The following LDLRAD4 variants were observed in gnomAD, a reference collection of about 807,000 sequenced individuals.
LDLRAD4 encodes low-density lipoprotein receptor class A domain-containing protein 4.
A neutral mutation model predicts 17.0 loss-of-function variants in LDLRAD4; 5 were observed. The observed-to-expected ratio is 0.29, with a 90% confidence interval of 0.15 to 0.62. LDLRAD4 has a LOEUF of 0.62. LDLRAD4 is among the 20% of genes least tolerant of loss of function. LDLRAD4 has a pLI of 0.84. For synonymous variants in LDLRAD4, 168 were observed against 171.8 expected (o/e 0.98, Z 0.17); for missense variants, 340 against 424.7 (o/e 0.80, Z 1.75).
chr18:13,642,198 G>A (rs2050724262), intron 4 of LDLRAD4: 6 of 985,794 alleles, frequency 6.1e-6, no homozygotes, highest in Non-Finnish European at 7.2e-6. Context: ...ACAAACGCGG[G>A]GCTCGGTGTT....
chr18:13,471,062 C>T (rs765348576), intron 3 of LDLRAD4: 2 of 152,180 alleles, frequency 1.3e-5, no homozygotes, highest in Non-Finnish European at 2.9e-5. Flanking sequence ...GATCTCTTTG[C>T]AAAGTGCTGG....
At chr18:13,613,496 C>A (rs1036699601) in intron 3 of LDLRAD4, 2 of 152,156 alleles carry the variant, frequency 1.3e-5, no homozygotes, top group African/African-American at 4.8e-5. Context: ...TATAGCATGG[C>A]AGAGGGATAG....
At chr18:13,474,247 T>A (rs2092875990) in intron 3 of LDLRAD4, among the ~76,000 whole-genome samples, 1 of 152,146 alleles carries the variant, frequency 6.6e-6, no homozygotes, top group South Asian at 2.1e-4. Flanking sequence ...ATTACCCAGT[T>A]TCAGGTATTT....
intron 3 of LDLRAD4, among the ~76,000 whole-genome samples, chr18:13,464,444 T>G (rs975829730): frequency 2.0e-5 from 3 of 152,246 alleles, no homozygotes; most frequent in African/African-American, 7.2e-5. Flanking sequence ...TTATCGGAGC[T>G]TATGTCAACT....
chr18:13,436,102 G>T (rs541309290), intron 2 of LDLRAD4, among the ~76,000 whole-genome samples: 4 of 152,274 alleles, frequency 2.6e-5, no homozygotes, highest in African/African-American at 9.6e-5. Context: ...CAGGCTGGGC[G>T]GCCCTCTAGA....
chr18:13,523,556 T>C (rs944096898), intron 3 of LDLRAD4, among the ~76,000 whole-genome samples: 6 of 152,180 alleles, frequency 3.9e-5, no homozygotes, highest in African/African-American at 1.4e-4. Flanking sequence ...GGCTCAGTAT[T>C]GTTCTGAGCT....
At chr18:13,322,393 G>T (rs2081304967) in intron 1 of LDLRAD4, among the ~76,000 whole-genome samples, 1 of 140,590 alleles carries the variant, frequency 7.1e-6, no homozygotes, top group South Asian at 2.4e-4. Context: ...TCCACCTCCC[G>T]GGTTCAAGTG....
At chr18:13,321,888 A>AAAAAAAAAAAAAAAAAAAAAAAAAAAAAG (rs2081257157) in intron 1 of LDLRAD4, among the ~76,000 whole-genome samples, 1 of 110,544 alleles carries the variant, frequency 9.0e-6, no homozygotes, top group Non-Finnish European at 1.8e-5. Context: ...AAAAAAAAAA[A>AAAAAAAAAAAAAAAAAAAAAAAAAAAAAG]AAAAAAAAAA....
intron 3 of LDLRAD4, among the ~76,000 whole-genome samples, chr18:13,510,132 G>A (rs1461306797): frequency 1.3e-5 from 2 of 152,176 alleles, no homozygotes; most frequent in African/African-American, 4.8e-5. Context: ...CTGTGTTGTA[G>A]TAACTGAAAT....
At position 13,648,809 on chromosome 18, in the gene LDLRAD4, G is replaced by A. The variant is rs77139559; in HGVS notation, c.*3152G>A. 7.9e-4 allele frequency: 120 copies of A among 152,332 alleles called. 1 individual carries two copies. Among genetic ancestry groups the A allele is most frequent in the African/African-American group, 2.6e-3 (109 of 41,578 alleles). 9.4% of individuals were successfully genotyped at this position (152,332 alleles called of 1,614,324 possible). A position where few individuals can be genotyped will look rare whatever the true frequency, so the allele number is the denominator to read the frequency against. The stretch of plus-strand genomic sequence containing the variant: ...CTGACTTTTGTCCCTTGTTCCCGGT[G>A]TAGGAGACCCAAGGCATCTTGAATC... On this transcript the variant is annotated 3_prime_UTR_variant, in exon 6 of 6. Coordinates refer to ENST00000359446, the Ensembl canonical transcript of LDLRAD4.
intron 3 of LDLRAD4, among the ~76,000 whole-genome samples, chr18:13,597,750 G>A (rs958645225): frequency 1.3e-5 from 2 of 151,032 alleles, no homozygotes; most frequent in Admixed American, 6.6e-5. Context: ...TCAACACCAG[G>A]CATTCCATTT....
At chr18:13,303,402 T>G (rs1422949647) in intron 1 of LDLRAD4, among the ~76,000 whole-genome samples, 1 of 152,168 alleles carries the variant, frequency 6.6e-6, no homozygotes, top group East Asian at 1.9e-4. Context: ...CATGCCACCA[T>G]GCCAGCTAGT....
chr18:13,643,240 C>A, intron 4 of LDLRAD4, 119 bp from the exon 6 acceptor site: 1 of 633,704 alleles, frequency 1.6e-6, no homozygotes, highest in Admixed American at 3.5e-5. Context: ...GGCCTCGCTC[C>A]ACGTTTTATG....
At chr18:13,568,844 C>T (rs1056886854) in intron 3 of LDLRAD4, among the ~76,000 whole-genome samples, 11 of 152,094 alleles carry the variant, frequency 7.2e-5, no homozygotes, top group African/African-American at 2.2e-4. Flanking sequence ...CATAGCCAAG[C>T]GTGCGTCTAT....
chr18:13,386,431 C>T (rs548284203), intron 1 of LDLRAD4, among the ~76,000 whole-genome samples: 7 of 151,768 alleles, frequency 4.6e-5, no homozygotes, highest in South Asian at 4.2e-4. Context: ...TGCAATGGCG[C>T]GATCTTGGCT....
At chr18:13,372,443 T>G (rs538623141) in intron 1 of LDLRAD4, among the ~76,000 whole-genome samples, 2 of 152,272 alleles carry the variant, frequency 1.3e-5, no homozygotes, top group African/African-American at 4.8e-5. Flanking sequence ...CACCTTGCCC[T>G]TGAACTATTA....
intron 3 of LDLRAD4, among the ~76,000 whole-genome samples, chr18:13,451,147 A>G (rs890354189): frequency 6.6e-6 from 1 of 152,230 alleles, no homozygotes; most frequent in Admixed American, 6.5e-5. Flanking sequence ...AGTCTTTGGC[A>G]GAAGTCCTAA....
intron 3 of LDLRAD4, among the ~76,000 whole-genome samples, chr18:13,528,269 A>G (rs533117563): frequency 6.6e-6 from 1 of 152,180 alleles, no homozygotes; most frequent in Non-Finnish European, 1.5e-5. Flanking sequence ...GAGACGCCTT[A>G]CCTGCGTTAC....
At chr18:13,517,657 G>GGTGGGAGAATATTT (rs2093887730) in intron 3 of LDLRAD4, among the ~76,000 whole-genome samples, 1 of 152,230 alleles carries the variant, frequency 6.6e-6, no homozygotes, top group Non-Finnish European at 1.5e-5. Flanking sequence ...AAGCCCCACA[G>GGTGGGAGAATATTT]GTGGGAGAAT....
Sources: allele counts gnomAD v4.1 joint callset (sites outside exome capture counted in the v4.1 genomes callset), GRCh38; gene constraint gnomAD v4.1.1; transcripts MANE v1.5; gene names NCBI Gene and HGNC (gene_info 2026-07-23, HGNC 2026-07-21).